LRP1B: variants seen among roughly 807,000 people sequenced by gnomAD.
LRP1B encodes low-density lipoprotein receptor-related protein 1B.
A neutral mutation model predicts 556.6 loss-of-function variants in LRP1B; 217 were observed. That is an observed-to-expected ratio of 0.39 (90% confidence interval 0.35 to 0.44). LRP1B has a LOEUF of 0.44. LRP1B is among the 20% of genes least tolerant of loss of function. The pLI is 1.00. For missense variants in LRP1B, 5,053 were observed against 5,620.8 expected (o/e 0.90, Z 3.23); for synonymous variants, 2,047 against 1,865.8 (o/e 1.10, Z -2.50).
intron 84 of LRP1B, 24 bp from the exon 85 acceptor site, chr2:140,274,622 AAAAT>A (rs1395524003): frequency 2.5e-6 from 4 of 1,594,704 alleles, no homozygotes; most frequent in African/African-American, 1.3e-5. Context: ...GCACAACAGA[AAAAT>A]AAAATTATAT....
At chr2:140,818,955 A>AG (rs1691223233) in intron 31 of LRP1B, among the ~76,000 whole-genome samples, 1 of 127,468 alleles carries the variant, frequency 7.8e-6, no homozygotes, top group Non-Finnish European at 1.8e-5. Context: ...AAAAAAAAAA[A>AG]AAAAAGAGAA....
chr2:141,534,920 C>T (rs915473988), intron 2 of LRP1B, among the ~76,000 whole-genome samples: 6 of 152,130 alleles, frequency 3.9e-5, no homozygotes, highest in African/African-American at 7.2e-5. Flanking sequence ...TCCTTTTTGT[C>T]TCCTGGTGGT....
intron 63 of LRP1B, among the ~76,000 whole-genome samples, chr2:140,446,178 T>C (rs1433410462): frequency 1.3e-5 from 2 of 152,114 alleles, no homozygotes; most frequent in Non-Finnish European, 2.9e-5. Context: ...CTTTCCTCTA[T>C]TTCATTTTGC....
At chr2:140,303,079 GTTCTTT>G (rs1265191322) in intron 83 of LRP1B, among the ~76,000 whole-genome samples, 2 of 126,010 alleles carry the variant, frequency 1.6e-5, no homozygotes, top group East Asian at 2.3e-4. Context: ...ATATATATCG[GTTCTTT>G]TTCTTTGTAT....
At chr2:141,687,197 C>A (rs1000447747) in intron 2 of LRP1B, among the ~76,000 whole-genome samples, 3 of 151,906 alleles carry the variant, frequency 2.0e-5, no homozygotes, top group African/African-American at 7.2e-5. Flanking sequence ...AAAACTCAGT[C>A]ATAAACTTTT....
At chr2:140,496,614 C>T (rs542132339) in intron 55 of LRP1B, among the ~76,000 whole-genome samples, 251 of 152,154 alleles carry the variant, frequency 1.6e-3, no homozygotes, top group African/African-American at 5.8e-3. Context: ...CATTATGCCA[C>T]GTGTATTTTT....
intron 3 of LRP1B, among the ~76,000 whole-genome samples, chr2:141,425,890 A>G (rs1465577151): frequency 6.6e-6 from 1 of 150,582 alleles, no homozygotes; most frequent in African/African-American, 2.4e-5. Context: ...CTCTGATGGT[A>G]GTTTCTTTTG....
At position 140,700,408 on chromosome 2, in the gene LRP1B, G is replaced by A. The variant is rs776804871; in HGVS notation, c.6641C>T (p.Pro2214Leu). Reference sequence around the variant, plus strand: ...CTTGAAATAACGTGGATTCTCATATGGCCTTATTGGGGAATTTAAATTGGT... The same window carrying A: ...CTTGAAATAACGTGGATTCTCATATAGCCTTATTGGGGAATTTAAATTGGT... ...DETNLNSPIRPYENPRYFKNV... is the reference protein window; with the variant it reads ...DETNLNSPIRLYENPRYFKNV... The change falls in exon 41 of 91, where the codon CCA (proline) becomes CTA (leucine). Residue 2214 changes from proline to leucine, a missense_variant. Pro to Leu is a moderately conservative substitution (Grantham distance 98). Transcript: ENST00000389484. 19 of 1,613,312 alleles carry A rather than the reference G, an allele frequency of 1.2e-5. No homozygotes were observed. In the South Asian group the frequency reaches 2.1e-4, roughly 18 times the overall value.
chr2:140,528,039 G>T (rs1054597139), intron 47 of LRP1B, among the ~76,000 whole-genome samples: 1 of 151,928 alleles, frequency 6.6e-6, no homozygotes, highest in East Asian at 1.9e-4. Context: ...TACTAATAGG[G>T]ACACTTGCAA....
intron 86 of LRP1B, among the ~76,000 whole-genome samples, chr2:140,249,008 A>C (rs1681292366): frequency 6.7e-6 from 1 of 149,050 alleles, no homozygotes; most frequent in Admixed American, 6.8e-5. Context: ...ATTGATTAAA[A>C]TATCAAAATT....
intron 18 of LRP1B, among the ~76,000 whole-genome samples, chr2:140,980,301 A>G (rs1696728889): frequency 6.6e-6 from 1 of 152,122 alleles, no homozygotes; most frequent in Admixed American, 6.5e-5. Context: ...TCACTGTGGA[A>G]AGGAATCAAG....
In LRP1B at chr2:141,058,953, A is replaced by G. The variant is rs773453396; in HGVS notation, c.1338T>C (p.Asp446=). 6.2e-7 allele frequency: 1 copy of G among 1,601,278 alleles called. No homozygotes were observed. The highest frequency in any genetic ancestry group is 8.5e-7 in the Non-Finnish European group (1 of 1,173,454). The change falls in exon 9 of 91, where the codon GAT becomes GAC. Residue 446 remains aspartate, a synonymous_variant. Transcript: ENST00000389484. ...IVRINRFNGT[D]IHSLIKIENA... Reference sequence around the variant, plus strand: ...TCTCAATTTTAATTAATGAGTGAATATCAGTCCCATTAAATCGGTTTATCC... The same window carrying G: ...TCTCAATTTTAATTAATGAGTGAATGTCAGTCCCATTAAATCGGTTTATCC...
intron 43 of LRP1B, among the ~76,000 whole-genome samples, chr2:140,552,622 C>T (rs1411498536): frequency 1.3e-5 from 2 of 152,032 alleles, no homozygotes; most frequent in African/African-American, 2.4e-5. Context: ...TGAATGCTGC[C>T]CCTTACAAGC....
At chr2:141,669,566 A>T (rs1354140407) in intron 2 of LRP1B, among the ~76,000 whole-genome samples, 1 of 152,052 alleles carries the variant, frequency 6.6e-6, no homozygotes, top group Middle Eastern at 3.2e-3. Context: ...CCCACCCTGT[A>T]AGACTTGCTA....
At chr2:141,305,055 C>T (rs1686535860) in intron 3 of LRP1B, among the ~76,000 whole-genome samples, 2 of 152,014 alleles carry the variant, frequency 1.3e-5, no homozygotes, top group African/African-American at 4.8e-5. Context: ...CTTAGGATTG[C>T]TTTGTATTTT....
At chr2:140,711,009 A>T (rs1372247004) in intron 37 of LRP1B, among the ~76,000 whole-genome samples, 3 of 152,104 alleles carry the variant, frequency 2.0e-5, no homozygotes, top group Admixed American at 6.6e-5. Context: ...ATTGAAAGGA[A>T]CAAATTAAGG....
At chr2:140,608,830 C>CTTTGTTTG (rs539700122) in intron 41 of LRP1B, among the ~76,000 whole-genome samples, 3 of 127,858 alleles carry the variant, frequency 2.3e-5, no homozygotes, top group African/African-American at 1.1e-4. Flanking sequence ...TGATTTGTTT[C>CTTTGTTTG]TTTGTTTGTT....
intron 89 of LRP1B, among the ~76,000 whole-genome samples, chr2:140,235,323 C>T (rs554898729): frequency 6.6e-6 from 1 of 150,766 alleles, no homozygotes; most frequent in Non-Finnish European, 1.5e-5. Context: ...AAATTTTACC[C>T]TCTTTGAGAA....
At chr2:140,489,728 A>G (rs1369888438) in intron 57 of LRP1B, among the ~76,000 whole-genome samples, 1 of 152,054 alleles carries the variant, frequency 6.6e-6, no homozygotes, top group Non-Finnish European at 1.5e-5. Context: ...TTGGCAATTC[A>G]GGTGGCTAAA....
Sources: gnomAD v4.1 joint callset for allele counts (sites outside exome capture counted in the v4.1 genomes callset) on GRCh38, gnomAD v4.1.1 for gene constraint, MANE v1.5 for transcripts, NCBI Gene and HGNC (gene_info 2026-07-23, HGNC 2026-07-21) for gene names.